The following KCNAB1 variants were observed in gnomAD, a reference collection of about 807,000 sequenced individuals.
The protein encoded by KCNAB1 is potassium voltage-gated channel subfamily A regulatory beta subunit 1.
Under a neutral mutation model 64.6 loss-of-function variants are expected in KCNAB1, and 35 were observed. The ratio of observed to expected loss-of-function variants is 0.54; its 90% CI spans 0.41 to 0.72. The LOEUF (loss-of-function observed/expected upper bound fraction) is 0.72. Ranked by LOEUF, KCNAB1 falls within the 30% of genes least tolerant of loss-of-function variation. The pLI is 0.00. For synonymous variants in KCNAB1, 177 were observed against 183.8 expected (o/e 0.96, Z 0.30); for missense variants, 401 against 512.9 (o/e 0.78, Z 2.11).
intron 8 of KCNAB1, among the ~76,000 whole-genome samples, chr3:156,482,712 T>C (rs1365548004): frequency 3.3e-5 from 5 of 152,140 alleles, no homozygotes; most frequent in African/African-American, 9.7e-5. Flanking sequence ...CTGTAGAACG[T>C]AGGTAATAAT....
chr3:156,441,007 TTGAG>T lies in KCNAB1; in HGVS notation c.320-11890_320-11887del, dbSNP rs1200400663. ...TACATGAATCATTTTATATTCCTCT[TTGAG>T]TTTTTATTAATGATATTCAATACTC... On this transcript the variant is annotated intron_variant, in intron 2 of 13. Transcript: ENST00000490337. 38 of 152,190 alleles carry T rather than the reference TTGAG, an allele frequency of 2.5e-4. 1 individual carries two copies. The highest frequency in any genetic ancestry group is 8.7e-4 in the African/African-American group (36 of 41,452). The allele number at this position is 152,190 out of a possible 1,614,324, so 9.4% of individuals were successfully genotyped here. A position where few individuals can be genotyped will look rare whatever the true frequency, so the allele number is the denominator to read the frequency against.
At chr3:156,273,060 C>T (rs1293175748) in intron 1 of KCNAB1, among the ~76,000 whole-genome samples, 1 of 151,936 alleles carries the variant, frequency 6.6e-6, no homozygotes, top group Non-Finnish European at 1.5e-5. Flanking sequence ...CCCTATCTAC[C>T]ATGGCCGAGC....
Position 156,421,668 on chromosome 3 carries a change from T to G in KCNAB1, c.319+9T>G. 6.2e-7 allele frequency: 1 copy of G among 1,613,452 alleles called. No individual in the cohort carries two copies. Among genetic ancestry groups the G allele is most frequent in the Non-Finnish European group, 8.5e-7 (1 of 1,179,494 alleles). Reference sequence around the variant, plus strand: ...TTCTTGCTTGGGTCTTGGTAAGTACTGAGGGTGTGACCTGGGGGTGGGCTG... The same window carrying G: ...TTCTTGCTTGGGTCTTGGTAAGTACGGAGGGTGTGACCTGGGGGTGGGCTG... On this transcript the variant is annotated intron_variant, in intron 2 of 13. Transcript: ENST00000490337.
intron 1 of KCNAB1, among the ~76,000 whole-genome samples, chr3:156,273,918 A>G (rs1400310552): frequency 6.6e-6 from 1 of 152,178 alleles, no homozygotes; most frequent in Non-Finnish European, 1.5e-5. Flanking sequence ...TCTGACGTGT[A>G]GAATATACAG....
At chr3:156,174,365 T>A (rs191096140) in intron 1 of KCNAB1, among the ~76,000 whole-genome samples, 1 of 152,348 alleles carries the variant, frequency 6.6e-6, no homozygotes, top group East Asian at 1.9e-4. Flanking sequence ...GCAGAGCTTA[T>A]AAGGAGGAGC....
chr3:156,140,643 G>C (rs1290413644), intron 1 of KCNAB1, among the ~76,000 whole-genome samples: 1 of 152,148 alleles, frequency 6.6e-6, no homozygotes, highest in East Asian at 1.9e-4. Flanking sequence ...CAAACATTCA[G>C]TACATAACAC....
At chr3:156,132,272 G>C (rs754376792) in intron 1 of KCNAB1, among the ~76,000 whole-genome samples, 5 of 152,166 alleles carry the variant, frequency 3.3e-5, no homozygotes, top group Non-Finnish European at 7.3e-5. Context: ...TGGCTTCTTT[G>C]TTTGGATCTC....
chr3:156,242,587 C>T (rs916906580), intron 1 of KCNAB1, among the ~76,000 whole-genome samples: 3 of 151,786 alleles, frequency 2.0e-5, no homozygotes, highest in Non-Finnish European at 4.4e-5. Context: ...TTTAATTCTT[C>T]TATTGAGCTT....
intron 1 of KCNAB1, among the ~76,000 whole-genome samples, chr3:156,387,949 T>A (rs908074821): frequency 2.0e-5 from 3 of 152,236 alleles, no homozygotes; most frequent in Non-Finnish European, 4.4e-5. Flanking sequence ...ATTGTACTTT[T>A]AAAAATTCTT....
chr3:156,503,123 A>G (rs1716559593), intron 8 of KCNAB1, among the ~76,000 whole-genome samples: 1 of 152,242 alleles, frequency 6.6e-6, no homozygotes, highest in African/African-American at 2.4e-5. Context: ...ACCATTTAGC[A>G]TTAACCAAAC....
intron 1 of KCNAB1, among the ~76,000 whole-genome samples, chr3:156,214,603 T>C (rs887001779): frequency 6.6e-6 from 1 of 152,212 alleles, no homozygotes; most frequent in Non-Finnish European, 1.5e-5. Context: ...TGAGAGCAGA[T>C]AGTTACCTGA....
chr3:156,175,448 GTC>G (rs1268657632), intron 1 of KCNAB1, among the ~76,000 whole-genome samples: 5 of 152,152 alleles, frequency 3.3e-5, no homozygotes, highest in Non-Finnish European at 7.3e-5. Context: ...GTGAAACCCT[GTC>G]TCTACTGAAA....
intron 12 of KCNAB1, among the ~76,000 whole-genome samples, chr3:156,525,130 G>C (rs1718224395): frequency 6.6e-6 from 1 of 151,950 alleles, no homozygotes. Flanking sequence ...CTTTACTTTA[G>C]AGTGTTACTC....
intron 1 of KCNAB1, among the ~76,000 whole-genome samples, chr3:156,129,422 G>A (rs1713866975): frequency 6.6e-6 from 1 of 152,142 alleles, no homozygotes; most frequent in South Asian, 2.1e-4. Context: ...AGGTTGTTGT[G>A]CAGTTGTGGT....
intron 1 of KCNAB1, among the ~76,000 whole-genome samples, chr3:156,306,359 A>T (rs1210252292): frequency 2.0e-5 from 3 of 152,142 alleles, no homozygotes; most frequent in Non-Finnish European, 2.9e-5. Context: ...ATTCACCAGG[A>T]CCTGCAAAGA....
chr3:156,474,956 C>G (rs1227386778), intron 8 of KCNAB1, 136 bp downstream of exon 8: 6 of 690,816 alleles, frequency 8.7e-6, no homozygotes, highest in Non-Finnish European at 7.3e-6. Flanking sequence ...CTGACTGATG[C>G]CTTTTGGCCT....
chr3:156,511,481 A>G (rs900005843), intron 8 of KCNAB1, among the ~76,000 whole-genome samples: 1 of 151,934 alleles, frequency 6.6e-6, no homozygotes, highest in Non-Finnish European at 1.5e-5. Flanking sequence ...TTTCTCCCAA[A>G]CCTGTTCTTC....
chr3:156,147,802 G>A (rs1466785542), intron 1 of KCNAB1, among the ~76,000 whole-genome samples: 1 of 152,084 alleles, frequency 6.6e-6, no homozygotes, highest in Non-Finnish European at 1.5e-5. Flanking sequence ...GATGTTGAGT[G>A]TCTAGCATGA....
At chr3:156,483,705 C>T (rs1250280728) in intron 8 of KCNAB1, among the ~76,000 whole-genome samples, 2 of 152,162 alleles carry the variant, frequency 1.3e-5, no homozygotes, top group Non-Finnish European at 2.9e-5. Context: ...GAGTTCACCA[C>T]TCTCAGTTGT....
Sources: allele counts gnomAD v4.1 joint callset (sites outside exome capture counted in the v4.1 genomes callset), GRCh38; gene constraint gnomAD v4.1.1; transcripts MANE v1.5; gene names NCBI Gene and HGNC (gene_info 2026-07-23, HGNC 2026-07-21).